CDH18: variants seen among roughly 807,000 people sequenced by gnomAD.
The protein encoded by CDH18 is cadherin 18.
Under a neutral mutation model 67.9 loss-of-function variants are expected in CDH18, and 31 were observed. That is an observed-to-expected ratio of 0.46 (90% CI 0.34 to 0.62). CDH18 has a LOEUF of 0.62. Ranked by LOEUF, CDH18 falls within the 20% of genes least tolerant of loss-of-function variation. The pLI, the probability that CDH18 is intolerant of heterozygous loss-of-function variation, is 0.01. For synonymous variants in CDH18, 362 were observed against 347.2 expected (o/e 1.04, Z -0.48); for missense variants, 890 against 975.5 (o/e 0.91, Z 1.17).
chr5:20,472,845 C>G (rs1581065807), intron 1 of CDH18, among the ~76,000 whole-genome samples: 1 of 152,116 alleles, frequency 6.6e-6, no homozygotes, highest in Non-Finnish European at 1.5e-5. Context: ...CCCTCATAAA[C>G]AAGTTTTGTG....
chr5:20,031,066 ATG>A (rs1346734891), intron 2 of CDH18, among the ~76,000 whole-genome samples: 2 of 152,150 alleles, frequency 1.3e-5, no homozygotes, highest in African/African-American at 4.8e-5. Context: ...CAAGAGAGTC[ATG>A]AGGAATCTCA....
At chr5:19,817,958 C>CT (rs1413187719) in intron 3 of CDH18, among the ~76,000 whole-genome samples, 7 of 152,024 alleles carry the variant, frequency 4.6e-5, no homozygotes, top group African/African-American at 7.2e-5. Flanking sequence ...TTTATGGACT[C>CT]TAAAATATAA....
At chr5:19,875,438 A>AGATAGATAGATC (rs1231937550) in intron 2 of CDH18, among the ~76,000 whole-genome samples, 2 of 116,916 alleles carry the variant, frequency 1.7e-5, no homozygotes, top group Admixed American at 8.4e-5. Context: ...ATAGATAGAT[A>AGATAGATAGATC]GATCGATCGA....
At chr5:20,519,799 C>G (rs893923600) in intron 1 of CDH18, among the ~76,000 whole-genome samples, 1 of 151,850 alleles carries the variant, frequency 6.6e-6, no homozygotes, top group African/African-American at 2.4e-5. Flanking sequence ...TCTTCAGCAT[C>G]ATCCTGACAG....
At chr5:20,111,110 C>G (rs1747419815) in intron 2 of CDH18, among the ~76,000 whole-genome samples, 1 of 152,058 alleles carries the variant, frequency 6.6e-6, no homozygotes, top group African/African-American at 2.4e-5. Context: ...TAAGGTAATT[C>G]CTATACAATT....
At chr5:19,551,812 C>T (rs1737503133) in intron 8 of CDH18, among the ~76,000 whole-genome samples, 1 of 152,026 alleles carries the variant, frequency 6.6e-6, no homozygotes, top group Admixed American at 6.6e-5. Context: ...TATAAATAGC[C>T]AGAACTTCAG....
chr5:20,109,340 T>C (rs1043329805), intron 2 of CDH18, among the ~76,000 whole-genome samples: 12 of 152,202 alleles, frequency 7.9e-5, no homozygotes, highest in Admixed American at 5.9e-4. Flanking sequence ...AACATTTCAT[T>C]ATCGGCAACA....
At chr5:20,471,833 T>TTAAAAAAAAA (rs757184101) in intron 1 of CDH18, among the ~76,000 whole-genome samples, 10 of 51,490 alleles carry the variant, frequency 1.9e-4, no homozygotes, top group African/African-American at 6.5e-4. Flanking sequence ...AGATTCAGTC[T>TTAAAAAAAAA]AAAAAAAAAA....
chr5:19,970,610 A>T (rs1051745495), intron 2 of CDH18, among the ~76,000 whole-genome samples: 15 of 151,728 alleles, frequency 9.9e-5, no homozygotes, highest in African/African-American at 3.6e-4. Flanking sequence ...TGTTGTGGGT[A>T]AACCGAAGAC....
chr5:20,211,870 C>T (rs1411066988), intron 2 of CDH18, among the ~76,000 whole-genome samples: 1 of 75,848 alleles, frequency 1.3e-5, no homozygotes, highest in Non-Finnish European at 2.4e-5. Context: ...CAGAGCACCT[C>T]TTCTCTCCAA....
At chr5:19,681,661 C>G (rs1424908317) in intron 5 of CDH18, among the ~76,000 whole-genome samples, 3 of 151,840 alleles carry the variant, frequency 2.0e-5, no homozygotes, top group Non-Finnish European at 4.4e-5. Flanking sequence ...TGTTGAGTAG[C>G]CCTACAAACC....
At chr5:19,879,387 A>T (rs1260240261) in intron 2 of CDH18, among the ~76,000 whole-genome samples, 1 of 151,866 alleles carries the variant, frequency 6.6e-6, no homozygotes, top group Non-Finnish European at 1.5e-5. Flanking sequence ...CTTTACAACA[A>T]TTCCCATATT....
intron 1 of CDH18, among the ~76,000 whole-genome samples, chr5:20,395,861 T>G (rs1267745339): frequency 6.6e-6 from 1 of 152,068 alleles, no homozygotes; most frequent in Non-Finnish European, 1.5e-5. Flanking sequence ...CCAAAAGGAC[T>G]GGGTTCAGGG....
intron 2 of CDH18, among the ~76,000 whole-genome samples, chr5:19,889,543 A>G (rs957381401): frequency 6.6e-6 from 1 of 152,050 alleles, no homozygotes; most frequent in African/African-American, 2.4e-5. Flanking sequence ...GTTGATCTCA[A>G]TAAACCATTA....
chr5:19,767,527 GAATA>G (rs1170622648), intron 3 of CDH18, among the ~76,000 whole-genome samples: 7 of 151,966 alleles, frequency 4.6e-5, no homozygotes, highest in South Asian at 2.1e-4. Flanking sequence ...ATTAGCATTT[GAATA>G]AATAAAGTGA....
rs1452450309 is a variant in CDH18 at position 20,333,526 on chromosome 5, T to TAC, written c.-579-78022_-579-78021insGT. 9.7e-3 allele frequency among the ~76,000 whole-genome samples: 1,081 copies of TAC among 111,754 alleles called. 14 individuals carry two copies. The highest frequency in any genetic ancestry group is 0.026 in the African/African-American group (943 of 36,406). The allele number at this position is 111,754 out of a possible 152,430, so 73.3% of individuals were successfully genotyped here. A position where few individuals can be genotyped will look rare whatever the true frequency, so the allele number is the denominator to read the frequency against. ...ATCTCAAAAAAAAAAAAACAATATA[T>TAC]ATACACACACACACACACACACACA... On this transcript the variant is annotated intron_variant, in intron 1 of 14. Coordinates refer to the CDH18 transcript ENST00000507958.
intron 6 of CDH18, among the ~76,000 whole-genome samples, chr5:19,604,389 G>GT (rs1747678632): frequency 6.6e-6 from 1 of 151,990 alleles, no homozygotes; most frequent in African/African-American, 2.4e-5. Flanking sequence ...TGACTGACAT[G>GT]TGAGAGGTTA....
intron 3 of CDH18, among the ~76,000 whole-genome samples, chr5:19,818,766 C>A (rs1040778503): frequency 2.6e-5 from 4 of 152,128 alleles, no homozygotes; most frequent in African/African-American, 9.7e-5. Context: ...AACATAAAAA[C>A]AGTACAATAT....
chr5:19,797,332 A>AG (rs1776967468), intron 3 of CDH18, among the ~76,000 whole-genome samples: 1 of 151,992 alleles, frequency 6.6e-6, no homozygotes, highest in Non-Finnish European at 1.5e-5. Flanking sequence ...ACTCAGTGCA[A>AG]CTATAAGGCA....
Sources: allele counts gnomAD v4.1 joint callset (sites outside exome capture counted in the v4.1 genomes callset), GRCh38; gene constraint gnomAD v4.1.1; transcripts MANE v1.5; gene names NCBI Gene and HGNC (gene_info 2026-07-23, HGNC 2026-07-21).